The following MRO variants were observed in gnomAD, a reference collection of about 807,000 sequenced individuals.
The protein encoded by MRO is maestro, also known as protein maestro.
Under a neutral mutation model 31.0 loss-of-function variants are expected in MRO, and 28 were observed. The ratio of observed to expected loss-of-function variants is 0.90; its 90% CI spans 0.67 to 1.24. MRO has a LOEUF of 1.24. MRO is among the 50% of genes most tolerant of loss of function. The pLI, the probability that MRO is intolerant of heterozygous loss-of-function variation, is 0.00. For synonymous variants in MRO, 108 were observed against 108.4 expected, an observed-to-expected ratio of 1.00 and a Z score of 0.02; for missense variants, 332 against 289.2, an observed-to-expected ratio of 1.15 and a Z score of -1.07.
rs1266684018 is a variant in MRO, at chr18:50,799,248, G to A, written c.*89C>T. ...CCATTACAATCCCAAGAGGCAAGCAGTGAGAAGAGGCATCCAGTGAGATAA... is the reference window on the plus strand; with the variant it reads ...CCATTACAATCCCAAGAGGCAAGCAATGAGAAGAGGCATCCAGTGAGATAA... On this transcript the variant is annotated 3_prime_UTR_variant, in exon 8 of 8. Transcript: ENST00000398439. 1.1e-5 allele frequency: 13 copies of A among 1,158,586 alleles called. No homozygotes were observed. The highest frequency in any genetic ancestry group is 3.7e-5 in the South Asian group (3 of 80,184). The allele number at this position is 1,158,586 out of a possible 1,614,324, so 71.8% of individuals were successfully genotyped here. A position where few individuals can be genotyped will look rare whatever the true frequency, so the allele number is the denominator to read the frequency against.
At chr18:50,817,027 C>A (rs1914981643) in intron 2 of MRO, among the ~76,000 whole-genome samples, 2 of 152,168 alleles carry the variant, frequency 1.3e-5, no homozygotes, top group African/African-American at 4.8e-5. Context: ...CTTCAGAAAC[C>A]AAGCAGCCAG....
intron 7 of MRO, among the ~76,000 whole-genome samples, 185 bp downstream of exon 7, chr18:50,799,851 C>G: frequency 6.6e-6 from 1 of 152,142 alleles, no homozygotes; most frequent in South Asian, 2.1e-4. Flanking sequence ...GTGAAGGCTG[C>G]AGTGAGCCAA....
At chr18:50,824,969 G>A (rs62092254), upstream of MRO, among the ~76,000 whole-genome samples, 21,258 of 150,242 alleles carry the variant, frequency 0.14, 2,051 homozygotes, top group Non-Finnish European at 0.21. Context: ...CAGCTACTTC[G>A]GAGGCTGAGG....
upstream of MRO, chr18:50,820,018 G>A: frequency 6.8e-7 from 1 of 1,476,174 alleles, no homozygotes; most frequent in Non-Finnish European, 9.3e-7. Context: ...GGCAATTCTG[G>A]GGACCTTTCC....
At chr18:50,815,338 G>A (rs1375872107) in intron 2 of MRO, 2 of 266,378 alleles carry the variant, frequency 7.5e-6, no homozygotes, top group East Asian at 9.7e-5. Flanking sequence ...GCCGTGGTGG[G>A]AACTTTGGTG....
rs749813782 is a variant in MRO, at chr18:50,809,295, G to A, written c.99+7C>T. ...GAGAAATTTGTTCATAATATTTTGT[G>A]TCAGACCTTGGAAAAGAAAGATATC... On this transcript the variant is annotated splice_region_variant and intron_variant, in intron 3 of 7. Coordinates refer to ENST00000398439, the MANE Select transcript of MRO (RefSeq NM_031939.6). 6.2e-7 allele frequency: 1 copy of A among 1,606,484 alleles called. No homozygotes were observed. Among genetic ancestry groups the A allele is most frequent in the South Asian group, 1.1e-5 (1 of 90,790 alleles).
At chr18:50,808,349 G>A (rs1016630129) in intron 3 of MRO, among the ~76,000 whole-genome samples, 1 of 152,070 alleles carries the variant, frequency 6.6e-6, no homozygotes, top group Non-Finnish European at 1.5e-5. Context: ...GGGGCAGACT[G>A]GCTTGAGATT....
At position 50,806,938 on chromosome 18, in the gene MRO, C is replaced by T. The variant is rs1914004802; in HGVS notation, c.100-88G>A. ...CAATCTCTCCCTCTAAAGAAAATCC[C>T]GTGATTGCCTGCTCAATTTTACCCC... is the stretch of plus-strand genomic sequence containing the variant. On this transcript the variant is annotated intron_variant, in intron 3 of 7. Coordinates refer to ENST00000398439, the MANE Select transcript of MRO (RefSeq NM_031939.6). The T allele has an allele frequency of 1.3e-5, 17 of 1,335,762 alleles. No homozygotes were observed. In the South Asian group the frequency reaches 1.5e-4, roughly 12 times the overall value. The allele number at this position is 1,335,762 out of a possible 1,614,324, so 82.7% of individuals were successfully genotyped here.
chr18:50,810,546 G>A (rs1914389377), intron 2 of MRO, among the ~76,000 whole-genome samples: 1 of 152,150 alleles, frequency 6.6e-6, no homozygotes, highest in African/African-American at 2.4e-5. Context: ...AACTGAAATT[G>A]GAGGGAAACT....
At chr18:50,809,964 G>C (rs1914325668) in intron 2 of MRO, among the ~76,000 whole-genome samples, 1 of 152,096 alleles carries the variant, frequency 6.6e-6, no homozygotes, top group South Asian at 2.1e-4. Flanking sequence ...GCAGGGGAAG[G>C]GAGAGTGGGG....
upstream of MRO, among the ~76,000 whole-genome samples, chr18:50,820,864 A>G (rs1156715802): frequency 1.3e-5 from 2 of 152,194 alleles, no homozygotes; most frequent in African/African-American, 4.8e-5. Context: ...TAAACCAGAG[A>G]ACTATGTCAG....
chr18:50,803,140 A>T (rs77314287), intron 5 of MRO, among the ~76,000 whole-genome samples: 1,797 of 152,240 alleles, frequency 0.012, 18 homozygotes, highest in Middle Eastern at 0.031. Flanking sequence ...ATCAGCAAAC[A>T]GCTCTGCATA....
intron 5 of MRO, among the ~76,000 whole-genome samples, chr18:50,802,746 G>A (rs1913480673): frequency 6.6e-6 from 1 of 151,856 alleles, no homozygotes; most frequent in African/African-American, 2.4e-5. Flanking sequence ...TTGTTTTAGA[G>A]ACAACATCTT....
At chr18:50,817,783 T>C (rs1915052821) in intron 2 of MRO, among the ~76,000 whole-genome samples, 1 of 152,170 alleles carries the variant, frequency 6.6e-6, no homozygotes, top group Admixed American at 6.5e-5. Flanking sequence ...ATTGATACCA[T>C]ATGTTTGTGA....
upstream of MRO, among the ~76,000 whole-genome samples, chr18:50,822,687 TCCCCCGC>T (rs1018372833): frequency 3.0e-5 from 4 of 135,214 alleles, no homozygotes; most frequent in African/African-American, 1.1e-4. Context: ...AGGAAATACA[TCCCCCGC>T]CCCCCGCCCC....
intron 3 of MRO, among the ~76,000 whole-genome samples, 153 bp downstream of exon 3, chr18:50,809,144 CAAAAA>C (rs61728184): frequency 1.0e-5 from 1 of 99,098 alleles, no homozygotes; most frequent in Non-Finnish European, 1.9e-5. Flanking sequence ...GACTCCGTCT[CAAAAA>C]AAAAAAAAAA....
rs116343351 is a variant in MRO at position 50,811,353 on chromosome 18, T to G, written c.-4-1949A>C. Among the ~76,000 whole-genome samples the G allele has an allele frequency of 3.1e-3, 474 of 152,330 alleles. 1 individual carries two copies. Among genetic ancestry groups the G allele is most frequent in the African/African-American group, 0.011 (442 of 41,562 alleles). ...AGCCCTGCACCCATTAGGCATTCAT[T>G]CCATATTCCATCCTCCCCCAGCCTC... On this transcript the variant is annotated intron_variant, in intron 2 of 7. Coordinates refer to ENST00000398439, the MANE Select transcript of MRO (RefSeq NM_031939.6).
intron 4 of MRO, among the ~76,000 whole-genome samples, 165 bp from the exon 5 acceptor site, chr18:50,805,501 C>T (rs1913835901): frequency 6.6e-6 from 1 of 152,126 alleles, no homozygotes; most frequent in African/African-American, 2.4e-5. Context: ...CTTCCATTAA[C>T]CCAACCCAAG....
chr18:50,824,312 G>A (rs978277450), upstream of MRO, among the ~76,000 whole-genome samples: 1 of 152,064 alleles, frequency 6.6e-6, no homozygotes, highest in Non-Finnish European at 1.5e-5. Context: ...AAGGTGGCAT[G>A]TACCTGTGGT....
Sources: gnomAD v4.1 joint callset for allele counts (sites outside exome capture counted in the v4.1 genomes callset) on GRCh38, gnomAD v4.1.1 for gene constraint, MANE v1.5 for transcripts, NCBI Gene and HGNC (gene_info 2026-07-23, HGNC 2026-07-21) for gene names.